The following RELN variants were observed in gnomAD, a reference collection of about 807,000 sequenced individuals.
The protein encoded by RELN is reelin.
RELN carries 108 observed loss-of-function variants against 427.6 expected under a neutral mutation model. That is an observed-to-expected ratio of 0.25 (90% CI 0.22 to 0.30). The LOEUF is 0.30. Ranked by LOEUF, RELN falls within the 10% of genes least tolerant of loss-of-function variation. The pLI, the probability that RELN is intolerant of heterozygous loss-of-function variation, is 1.00. For synonymous variants in RELN, 1,524 were observed against 1,513.4 expected (o/e 1.01, Z -0.16); for missense variants, 3,715 against 4,302.8 (o/e 0.86, Z 3.82).
At chr7:103,961,239 T>C (rs1249109002) in intron 1 of RELN, among the ~76,000 whole-genome samples, 7 of 152,278 alleles carry the variant, frequency 4.6e-5, no homozygotes, top group South Asian at 2.1e-4. Flanking sequence ...CATCTTTTTT[T>C]CCCCCAAACT....
At chr7:103,938,914 A>C (rs1362616176) in intron 1 of RELN, among the ~76,000 whole-genome samples, 1 of 152,180 alleles carries the variant, frequency 6.6e-6, no homozygotes, top group Non-Finnish European at 1.5e-5. Flanking sequence ...TTATGAGCTA[A>C]AAAAGTCATT....
intron 1 of RELN, among the ~76,000 whole-genome samples, chr7:103,964,956 C>A (rs12669852): frequency 0.18 from 26,818 of 152,140 alleles, 2,468 homozygotes; most frequent in Middle Eastern, 0.29. Flanking sequence ...CTGTTTTGTG[C>A]TCTCTAAAAT....
intron 34 of RELN, among the ~76,000 whole-genome samples, chr7:103,562,588 A>G (rs1830666922): frequency 6.6e-6 from 1 of 152,206 alleles, no homozygotes; most frequent in Admixed American, 6.5e-5. Flanking sequence ...AGACTTACCA[A>G]ACAACAGTAA....
At chr7:103,530,552 A>G (rs1420764298) in intron 46 of RELN, among the ~76,000 whole-genome samples, 1 of 152,180 alleles carries the variant, frequency 6.6e-6, no homozygotes, top group Non-Finnish European at 1.5e-5. Flanking sequence ...CTACAAATCT[A>G]AACTCCTTTG....
At chr7:103,503,370 T>C in intron 51 of RELN, 140 bp from the exon 52 acceptor site, 1 of 767,770 alleles carries the variant, frequency 1.3e-6, no homozygotes, top group Admixed American at 2.0e-5. Flanking sequence ...TCATTATTTG[T>C]TCTGCTAATG....
chr7:103,490,859 A>C, intron 58 of RELN, 30 bp from the exon 59 acceptor site: 2 of 1,612,414 alleles, frequency 1.2e-6, no homozygotes, highest in Non-Finnish European at 1.7e-6. Flanking sequence ...TTGTTAGACA[A>C]ATTGTAAGAG....
chr7:103,952,537 A>G (rs1796353683), intron 1 of RELN, among the ~76,000 whole-genome samples: 1 of 150,390 alleles, frequency 6.6e-6, no homozygotes. Flanking sequence ...ACACACATAC[A>G]TACATACTCT....
At chr7:103,550,481 C>A (rs926708071) in intron 41 of RELN, among the ~76,000 whole-genome samples, 1 of 152,000 alleles carries the variant, frequency 6.6e-6, no homozygotes, top group Admixed American at 6.6e-5. Flanking sequence ...TTGAAATATA[C>A]TTTTCATTTC....
intron 51 of RELN, among the ~76,000 whole-genome samples, chr7:103,505,521 C>T (rs946426603): frequency 9.2e-5 from 14 of 152,140 alleles, no homozygotes; most frequent in Non-Finnish European, 1.9e-4. Context: ...GGAATAGTAT[C>T]AATACCAACA....
chr7:103,674,488 T>G (rs1198446178), intron 11 of RELN, among the ~76,000 whole-genome samples: 2 of 152,174 alleles, frequency 1.3e-5, no homozygotes, highest in Non-Finnish European at 2.9e-5. Context: ...TCTCTCTTAG[T>G]TTCAGTGGAA....
intron 16 of RELN, among the ~76,000 whole-genome samples, chr7:103,647,325 A>C (rs1027226510): frequency 6.6e-6 from 1 of 152,062 alleles, no homozygotes; most frequent in Non-Finnish European, 1.5e-5. Flanking sequence ...AAATTCTCTC[A>C]AAGACTCCTA....
chr7:103,909,823 A>T (rs1204468433), intron 2 of RELN, among the ~76,000 whole-genome samples: 1 of 54,262 alleles, frequency 1.8e-5, no homozygotes, highest in African/African-American at 5.6e-5. Flanking sequence ...ATTATATATA[A>T]AATATATATA....
Position 103,968,561 on chromosome 7 carries a change from C to T in RELN, c.226+20570G>A, listed in dbSNP as rs1229488323. Among the ~76,000 whole-genome samples, 1 of 151,886 alleles carries T rather than the reference C, an allele frequency of 6.6e-6. No homozygotes were observed. The highest frequency in any genetic ancestry group is 6.6e-5 in the Admixed American group (1 of 15,206). On this transcript the variant is annotated intron_variant, in intron 1 of 64. Transcript: ENST00000428762. The surrounding 1 kb of genome is among the most constrained non-coding windows in gnomAD (Gnocchi z 4.3). ...TAAAAAAGAAGAAATTAGATCTCCT[C>T]AATGAGAGATCCAAGAAGACAAAGG...
intron 6 of RELN, among the ~76,000 whole-genome samples, chr7:103,735,867 A>G (rs1327060992): frequency 6.6e-6 from 1 of 152,242 alleles, no homozygotes; most frequent in African/African-American, 2.4e-5. Flanking sequence ...CTGGCATTCT[A>G]TAAGCTTGCA....
intron 1 of RELN, among the ~76,000 whole-genome samples, chr7:103,950,682 C>A (rs972167131): frequency 1.4e-4 from 21 of 152,100 alleles, no homozygotes; most frequent in Non-Finnish European, 2.6e-4. Context: ...AATTCTAAAT[C>A]TTTTAGATTT....
At chr7:103,920,631 T>C (rs1298077913) in intron 1 of RELN, among the ~76,000 whole-genome samples, 2 of 146,176 alleles carry the variant, frequency 1.4e-5, no homozygotes, top group Non-Finnish European at 3.0e-5. Context: ...TGGAGTGCAG[T>C]GGCACAATCT....
intron 50 of RELN, chr7:103,513,525 CCTT>C (rs1305618776): frequency 5.9e-5 from 9 of 152,150 alleles, no homozygotes; most frequent in Non-Finnish European, 8.8e-5. Context: ...ATTTCAATAA[CCTT>C]CTTAAGAGAA....
intron 2 of RELN, among the ~76,000 whole-genome samples, chr7:103,898,697 C>T (rs887405175): frequency 6.6e-6 from 1 of 151,990 alleles, no homozygotes; most frequent in Non-Finnish European, 1.5e-5. Flanking sequence ...ATATTTTGCT[C>T]ACATATATTG....
In RELN at chr7:103,578,000, A is replaced by AAGCC. The variant is rs146415514; in HGVS notation, c.4146-2299_4146-2296dup. 3.7e-3 allele frequency among the ~76,000 whole-genome samples: 569 copies of AAGCC among 152,342 alleles called. 21 individuals carry two copies. In the East Asian group the frequency reaches 0.095, roughly 26 times the overall value. ...CATCAGCTGCCCCATTTCATGGAAG[A>AAGCC]AGCCAGCTCAGATTTGGGCCCAGAA... On this transcript the variant is annotated intron_variant, in intron 28 of 64. Coordinates refer to ENST00000428762, the MANE Select transcript of RELN (RefSeq NM_005045.4).
Sources: allele counts gnomAD v4.1 joint callset (sites outside exome capture counted in the v4.1 genomes callset), GRCh38; gene constraint gnomAD v4.1.1; non-coding constraint Gnocchi (gnomAD v3.1); transcripts MANE v1.5; gene names NCBI Gene and HGNC (gene_info 2026-07-23, HGNC 2026-07-21).